The following DNAH14 variants were observed in gnomAD, a reference collection of about 807,000 sequenced individuals.
DNAH14 encodes axonemal beta dynein heavy chain 14.
In DNAH14, 478 loss-of-function variants were observed where a neutral mutation model predicts 520.9. That is an observed-to-expected ratio of 0.92 (90% confidence interval 0.85 to 0.99). The LOEUF (loss-of-function observed/expected upper bound fraction) is 0.99, where lower values mean the gene tolerates loss of function less well. Among genes scored for constraint, DNAH14 ranks in the 50% least tolerant of loss-of-function variants. DNAH14 has a pLI of 0.00. For synonymous variants in DNAH14, 1,581 were observed against 1,757.2 expected (o/e 0.90, Z 2.51); for missense variants, 4,831 against 5,234.5 (o/e 0.92, Z 2.38).
intron 77 of DNAH14, among the ~76,000 whole-genome samples, chr1:225,373,901 G>A (rs1267706550): frequency 6.6e-6 from 1 of 151,458 alleles, no homozygotes; most frequent in African/African-American, 2.4e-5. Flanking sequence ...CAAGGCAGGC[G>A]GATCGCTTGA....
Position 225,259,141 on chromosome 1 carries a change from A to ACAG in DNAH14, c.7046_7047insAGC (p.Ala2351dup). On this transcript the variant is annotated inframe_insertion, in exon 46 of 86. Coordinates refer to ENST00000682510, the MANE Select transcript of DNAH14 (RefSeq NM_001367479.1). ...CTTAGGAGAATCTGGTGTTGGGAAA[A>ACAG]CTGCTGCCATTAATCAAATGCTTGA... 1 of 1,541,952 alleles carries ACAG rather than the reference A, an allele frequency of 6.5e-7. No individual in the cohort carries two copies. Among genetic ancestry groups the ACAG allele is most frequent in the Admixed American group, 2.1e-5 (1 of 47,650 alleles).
At position 225,232,107 on chromosome 1, in the gene DNAH14, T is replaced by C. The variant is rs2091183405; in HGVS notation, c.6518+956T>C. 6.6e-6 allele frequency among the ~76,000 whole-genome samples: 1 copy of C among 152,160 alleles called. No homozygotes were observed. On this transcript the variant is annotated intron_variant, in intron 42 of 85. Coordinates refer to ENST00000682510, the MANE Select transcript of DNAH14 (RefSeq NM_001367479.1). This position sits in a 1 kb window ranked among gnomAD's most constrained non-coding sequence, Gnocchi z 4.2. Reference sequence around the variant, plus strand: ...TGTTTCAAAATAATATTTTTTAGCTTTGTGTGTTTTTAACTTTAAATAAAT... The same window carrying C: ...TGTTTCAAAATAATATTTTTTAGCTCTGTGTGTTTTTAACTTTAAATAAAT...
intron 41 of DNAH14, among the ~76,000 whole-genome samples, chr1:225,226,670 G>C (rs1226065880): frequency 6.6e-6 from 1 of 152,176 alleles, no homozygotes; most frequent in Non-Finnish European, 1.5e-5. Context: ...ACTGAGAAAA[G>C]AAATAAGACA....
chr1:225,001,135 C>T (rs1346215848), intron 8 of DNAH14, among the ~76,000 whole-genome samples: 3 of 150,750 alleles, frequency 2.0e-5, no homozygotes, highest in African/African-American at 4.9e-5. Context: ...TACCCATTGG[C>T]GTTTCTAGGT....
rs1243963789 is a variant in DNAH14 at position 225,156,763 on chromosome 1, G to A, written c.5274-2551G>A. On this transcript the variant is annotated intron_variant, in intron 34 of 85. Coordinates refer to ENST00000682510, the MANE Select transcript of DNAH14 (RefSeq NM_001367479.1). ...GGAGTCTCGCTCTGTCGCCCAGGCT[G>A]GAGTGCAGTGGCGGGATCTCGGCTC... Among the ~76,000 whole-genome samples, 2 of 126,330 alleles carry A rather than the reference G, an allele frequency of 1.6e-5. 1 individual carries two copies. Among genetic ancestry groups the A allele is most frequent in the African/African-American group, 6.2e-5 (2 of 32,446 alleles). The allele number at this position is 126,330 out of a possible 152,430, so 82.9% of individuals were successfully genotyped here.
At chr1:225,114,605 T>C (rs1346833337) in intron 23 of DNAH14, among the ~76,000 whole-genome samples, 1 of 152,200 alleles carries the variant, frequency 6.6e-6, no homozygotes, top group Non-Finnish European at 1.5e-5. Context: ...CTTTCAAGTT[T>C]GTTTAGAACC....
intron 27 of DNAH14, among the ~76,000 whole-genome samples, chr1:225,127,120 A>T (rs1003929566): frequency 6.6e-6 from 1 of 152,102 alleles, no homozygotes; most frequent in Admixed American, 6.6e-5. Flanking sequence ...GGAGAGCTTT[A>T]CTTCCAACTA....
rs528341779 is a variant in DNAH14 at position 225,007,546 on chromosome 1, T to C, written c.1107+2T>C. On this transcript the variant is annotated splice_donor_variant, in intron 10 of 85. Coordinates refer to ENST00000682510, the MANE Select transcript of DNAH14 (RefSeq NM_001367479.1). LOFTEE classifies it high-confidence loss of function. ...GAGATGAAAAGTACTTTTCTAAAGG[T>C]AATTCTTTAATTATATCATATTTAT... The C allele has an allele frequency of 2.3e-4, 352 of 1,513,256 alleles. 1 individual carries two copies. Among genetic ancestry groups the C allele is most frequent in the South Asian group, 2.3e-3 (183 of 79,168 alleles). 93.7% of individuals were successfully genotyped at this position (1,513,256 alleles called of 1,614,324 possible).
rs1213168474 is a variant in DNAH14, at chr1:225,265,310, A to T, written c.7351A>T (p.Ile2451Phe). 3 of 1,543,972 alleles carry T rather than the reference A, an allele frequency of 1.9e-6. No homozygotes were observed. Among genetic ancestry groups the T allele is most frequent in the Non-Finnish European group, 2.6e-6 (3 of 1,145,030 alleles). ...NVTAAKTKEM[I>F]LKKLIRRTKD... ...AACAGCTGCCAAAACCAAGGAGATG[A>T]TTCTTAAGAAGTTAATAAGAAGAAC... The change falls in exon 48 of 86, where the codon ATT (isoleucine) becomes TTT (phenylalanine). Residue 2451 changes from isoleucine (I) to phenylalanine (F), a missense_variant. Physicochemically the swap from Ile to Phe is conservative, Grantham distance 21. Transcript: ENST00000682510.
Position 225,331,566 on chromosome 1 carries a change from G to T in DNAH14, c.9853G>T (p.Glu3285Ter). ...QCASVLLTVL[E>*]DEKTRWQETI... ...TGCGTCAGTCTTACTAACTGTCCTG[G>T]AAGATGAGAAGGCATGACTTACTTT... Residue 3285 changes from glutamate to a stop codon, truncating the protein, a stop_gained, in exon 65 of 86, where the codon GAA becomes TAA. Coordinates refer to ENST00000682510, the MANE Select transcript of DNAH14 (RefSeq NM_001367479.1). LOFTEE classifies it high-confidence loss of function. 6.4e-7 allele frequency: 1 copy of T among 1,551,302 alleles called. No individual in the cohort carries two copies.
Position 225,265,191 on chromosome 1 carries a change from C to G in DNAH14, c.7232C>G (p.Thr2411Ser), listed in dbSNP as rs780705571. Residue 2411 changes from threonine (T) to serine (S), a missense_variant, in exon 48 of 86, where the codon ACT becomes AGT. Thr to Ser is a moderately conservative substitution (Grantham distance 58). Coordinates refer to ENST00000682510, the MANE Select transcript of DNAH14 (RefSeq NM_001367479.1). ...KTATGSSDNP[T>S]KKPEVRTNKK... Reference sequence around the variant, plus strand: ...ATGTTTGGCATCACAGATAATCCCACTAAAAAGCCAGAAGTTAGAACTAAT... The same window carrying G: ...ATGTTTGGCATCACAGATAATCCCAGTAAAAAGCCAGAAGTTAGAACTAAT... The G allele has an allele frequency of 1.4e-6, 2 of 1,469,766 alleles. No individual in the cohort carries two copies. Among genetic ancestry groups the G allele is most frequent in the South Asian group, 2.9e-5 (2 of 69,006 alleles). 91.0% of individuals were successfully genotyped at this position (1,469,766 alleles called of 1,614,324 possible). A position where few individuals can be genotyped will look rare whatever the true frequency, so the allele number is the denominator to read the frequency against.
At chr1:224,988,246 G>T (rs1200996271) in intron 8 of DNAH14, among the ~76,000 whole-genome samples, 2 of 152,034 alleles carry the variant, frequency 1.3e-5, no homozygotes, top group Non-Finnish European at 2.9e-5. Context: ...CCTTTTAATG[G>T]CTGCATAGTA....
chr1:225,303,263 T>A lies in DNAH14; in HGVS notation c.8739T>A (p.Asp2913Glu). 1.3e-6 allele frequency: 2 copies of A among 1,551,528 alleles called. No individual in the cohort carries two copies. The highest frequency in any genetic ancestry group is 1.7e-6 in the Non-Finnish European group (2 of 1,146,816). ...CTATGATTAGCTCCTGCACGATCGATTGGTATGAGAGGTGGCCAGAAGAAG... is the reference window on the plus strand; with the variant it reads ...CTATGATTAGCTCCTGCACGATCGAATGGTATGAGAGGTGGCCAGAAGAAG... ...YPSMISSCTI[D>E]WYERWPEEAL... The change falls in exon 57 of 86, where the codon GAT becomes GAA. Residue 2913 changes from aspartate (D) to glutamate (E), a missense_variant. Asp to Glu is a conservative substitution (Grantham distance 45). Transcript: ENST00000682510.
intron 23 of DNAH14, among the ~76,000 whole-genome samples, chr1:225,110,945 G>A (rs1206453391): frequency 6.6e-6 from 1 of 151,974 alleles, no homozygotes; most frequent in Non-Finnish European, 1.5e-5. Flanking sequence ...AATTCCTCTT[G>A]TAATTGAATT....
chr1:225,331,001 T>G (rs1243460925), intron 64 of DNAH14, among the ~76,000 whole-genome samples: 1 of 152,148 alleles, frequency 6.6e-6, no homozygotes, highest in Non-Finnish European at 1.5e-5. Context: ...TGTTTTCCAC[T>G]AACACTGTAA....
At chr1:225,288,912 T>C (rs1035284554) in intron 54 of DNAH14, among the ~76,000 whole-genome samples, 1 of 152,146 alleles carries the variant, frequency 6.6e-6, no homozygotes, top group Non-Finnish European at 1.5e-5. Context: ...CTATTTCTTA[T>C]AAAGTTTAAC....
chr1:225,098,863 C>T (rs2075213032), intron 22 of DNAH14, among the ~76,000 whole-genome samples: 2 of 152,140 alleles, frequency 1.3e-5, no homozygotes, highest in South Asian at 4.1e-4. Flanking sequence ...AAGATGTTTT[C>T]AACTATGGAT....
At chr1:225,196,559 T>C (rs2086163514) in intron 38 of DNAH14, among the ~76,000 whole-genome samples, 1 of 152,210 alleles carries the variant, frequency 6.6e-6, no homozygotes, top group Non-Finnish European at 1.5e-5. Context: ...GATCAAATGG[T>C]AGCTCTACTT....
At chr1:225,195,212 T>C (rs1225056513) in intron 38 of DNAH14, among the ~76,000 whole-genome samples, 1 of 152,070 alleles carries the variant, frequency 6.6e-6, no homozygotes, top group Non-Finnish European at 1.5e-5. Context: ...TGCATACATA[T>C]GTTCATCACA....
Sources: allele counts gnomAD v4.1 joint callset (sites outside exome capture counted in the v4.1 genomes callset), GRCh38; gene constraint gnomAD v4.1.1; non-coding constraint Gnocchi (gnomAD v3.1); transcripts MANE v1.5; gene names NCBI Gene and HGNC (gene_info 2026-07-23, HGNC 2026-07-21).